The following RMI1 variants were observed in gnomAD, a reference collection of about 807,000 sequenced individuals.
RMI1 encodes the protein RecQ mediated genome instability 1.
In RMI1, 36 loss-of-function variants were observed where a neutral mutation model predicts 46.7. That is an observed-to-expected ratio of 0.77 (90% confidence interval 0.59 to 1.02). The LOEUF is 1.02. Among genes scored for constraint, RMI1 ranks in the 50% least tolerant of loss-of-function variants. The probability of loss-of-function intolerance (pLI) is 0.00; values close to 1 mark genes in which losing one functional copy is unlikely to be tolerated. For synonymous variants in RMI1, 250 were observed against 252.9 expected (o/e 0.99, Z 0.11); for missense variants, 676 against 713.7 (o/e 0.95, Z 0.60).
chr9:84,000,524 G>T (rs1957722153), intron 2 of RMI1, among the ~76,000 whole-genome samples: 1 of 152,112 alleles, frequency 6.6e-6, no homozygotes, highest in Admixed American at 6.6e-5. Flanking sequence ...TCCACTGGGG[G>T]TATTGGAGCA....
At chr9:83,987,344 C>T (rs187552248) in intron 1 of RMI1, among the ~76,000 whole-genome samples, 271 of 152,326 alleles carry the variant, frequency 1.8e-3, no homozygotes, top group African/African-American at 6.0e-3. Context: ...TGAGCCACCG[C>T]GTCCGGCCTG....
At chr9:83,996,582 G>A (rs1257567632) in intron 1 of RMI1, among the ~76,000 whole-genome samples, 1 of 152,138 alleles carries the variant, frequency 6.6e-6, no homozygotes, top group Non-Finnish European at 1.5e-5. Context: ...TATCCATCTA[G>A]AGGTACTTTA....
chr9:83,987,198 A>G (rs992546358), intron 1 of RMI1, among the ~76,000 whole-genome samples: 2 of 151,988 alleles, frequency 1.3e-5, no homozygotes, highest in Non-Finnish European at 2.9e-5. Context: ...GAGTAGCTGG[A>G]ATTACAAGCA....
At chr9:83,988,492 C>G (rs965639592) in intron 1 of RMI1, among the ~76,000 whole-genome samples, 1 of 152,056 alleles carries the variant, frequency 6.6e-6, no homozygotes, top group Non-Finnish European at 1.5e-5. Flanking sequence ...TTGGTAGAGA[C>G]AGAGTTTTGC....
At chr9:83,993,813 G>A (rs1588466356) in intron 1 of RMI1, among the ~76,000 whole-genome samples, 1 of 151,810 alleles carries the variant, frequency 6.6e-6, no homozygotes, top group East Asian at 1.9e-4. Context: ...TTTAAGATAG[G>A]GTCTTGCTTT....
At position 84,002,385 on chromosome 9, in the gene RMI1, C is replaced by A; in HGVS notation, c.1399C>A (p.Gln467Lys). Residue 467 changes from glutamine to lysine, a missense_variant, in exon 3 of 3, where the codon CAG becomes AAG. Coordinates refer to ENST00000445877, the MANE Select transcript of RMI1 (RefSeq NM_001358291.2). ...QISNENDCNL[Q>K]SCSLRSSENS... ...TTCTAATGAAAATGATTGTAATTTA[C>A]AGAGTTGTTCTTTAAGATCATCAGA... is the stretch of plus-strand genomic sequence containing the variant. The A allele has an allele frequency of 6.2e-7, 1 of 1,611,064 alleles. No individual in the cohort carries two copies. Among genetic ancestry groups the A allele is most frequent in the Non-Finnish European group, 8.5e-7 (1 of 1,178,020 alleles).
chr9:83,990,585 T>G (rs930317821), intron 1 of RMI1, among the ~76,000 whole-genome samples: 1 of 151,520 alleles, frequency 6.6e-6, no homozygotes, highest in African/African-American at 2.4e-5. Flanking sequence ...TAACAATAAT[T>G]TATTATTTCA....
chr9:83,991,950 G>T (rs1408268740), intron 1 of RMI1, among the ~76,000 whole-genome samples: 1 of 152,052 alleles, frequency 6.6e-6, no homozygotes, highest in African/African-American at 2.4e-5. Flanking sequence ...TTTCAAAATT[G>T]TCTTGGCAAT....
chr9:83,983,760 T>G (rs1475067304), intron 1 of RMI1, among the ~76,000 whole-genome samples: 1 of 152,132 alleles, frequency 6.6e-6, no homozygotes, highest in African/African-American at 2.4e-5. Flanking sequence ...ATTAGTGTGG[T>G]CAGCCAAGTT....
At chr9:83,996,400 CTT>C (rs1384626462) in intron 1 of RMI1, among the ~76,000 whole-genome samples, 2 of 152,170 alleles carry the variant, frequency 1.3e-5, no homozygotes, top group Non-Finnish European at 2.9e-5. Context: ...ATTTCTGGAG[CTT>C]TGTATCTTTA....
intron 1 of RMI1, among the ~76,000 whole-genome samples, chr9:83,996,667 ATTAGT>A (rs1190265561): frequency 1.3e-5 from 2 of 152,094 alleles, no homozygotes; most frequent in Non-Finnish European, 2.9e-5. Flanking sequence ...ATCCTATTAG[ATTAGT>A]TCGTTCTTGT....
chr9:83,996,122 CT>C (rs1957649448), intron 1 of RMI1, among the ~76,000 whole-genome samples: 1 of 152,108 alleles, frequency 6.6e-6, no homozygotes, highest in Admixed American at 6.6e-5. Flanking sequence ...GTGTTTTACC[CT>C]TTTTGTGTGG....
rs1195684837 is a variant in RMI1 at position 84,004,020 on chromosome 9, ATAATT to A, written c.*1160_*1164del. 2 of 160,634 alleles carry A rather than the reference ATAATT, an allele frequency of 1.2e-5. No individual in the cohort carries two copies. The highest frequency in any genetic ancestry group is 2.4e-5 in the African/African-American group (1 of 41,464). The allele number at this position is 160,634 out of a possible 1,614,324, so 10.0% of individuals were successfully genotyped here. ...GTTTTTATTAATCTTTTGTCTTAAA[ATAATT>A]TAAAGTGCTTTGAATTTTAAAACAT... On this transcript the variant is annotated 3_prime_UTR_variant, in exon 3 of 3. Transcript: ENST00000445877.
intron 1 of RMI1, among the ~76,000 whole-genome samples, chr9:83,982,820 T>G (rs1296347978): frequency 6.6e-6 from 1 of 152,240 alleles, no homozygotes; most frequent in Non-Finnish European, 1.5e-5. Flanking sequence ...TTTACGTCTT[T>G]TTAATTTTTA....
intron 1 of RMI1, among the ~76,000 whole-genome samples, chr9:83,984,087 C>T (rs1957456383): frequency 6.6e-6 from 1 of 151,780 alleles, no homozygotes; most frequent in African/African-American, 2.4e-5. Context: ...CTTATTGATG[C>T]ATAAAAGATG....
chr9:84,001,217 A>G lies in RMI1; in HGVS notation c.231A>G (p.Pro77=), dbSNP rs1957731108. The G allele has an allele frequency of 1.2e-6, 2 of 1,614,166 alleles. No homozygotes were observed. Among genetic ancestry groups the G allele is most frequent in the Non-Finnish European group, 1.7e-6 (2 of 1,180,000 alleles). The change falls in exon 3 of 3, where the codon CCA becomes CCG. Residue 77 remains proline, a synonymous_variant. Coordinates refer to ENST00000445877, the MANE Select transcript of RMI1 (RefSeq NM_001358291.2). The stretch of plus-strand genomic sequence containing the variant: ...TACCCGATGGCATTTTAGAAATTCC[A>G]AAAGGAGAATTAAATGGATTTTATG... ...PLLPDGILEI[P]KGELNGFYAL...
intron 1 of RMI1, among the ~76,000 whole-genome samples, chr9:83,981,392 A>C (rs936700458): frequency 6.6e-6 from 1 of 152,238 alleles, no homozygotes; most frequent in African/African-American, 2.4e-5. Context: ...GTTCCATTCA[A>C]AGCGCCTGCC....
Position 84,002,549 on chromosome 9 carries a change from C to T in RMI1, c.1563C>T (p.Leu521=). The T allele has an allele frequency of 1.2e-6, 2 of 1,613,942 alleles. No individual in the cohort carries two copies. The highest frequency in any genetic ancestry group is 1.7e-4 in the Middle Eastern group (1 of 6,058). Residue 521 remains leucine (L), a synonymous_variant, in exon 3 of 3, where the codon CTC becomes CTT. Coordinates refer to ENST00000445877, the MANE Select transcript of RMI1 (RefSeq NM_001358291.2). ...KAFIVTLTGN[L]SSSGGIWSIT... ...TTATTGTAACCTTAACTGGAAATCT[C>T]TCAAGTTCTGGTGGTATTTGGAGTA...
At chr9:83,992,948 G>T (rs1052092182) in intron 1 of RMI1, 2 of 151,896 alleles carry the variant, frequency 1.3e-5, no homozygotes, top group African/African-American at 4.8e-5. Flanking sequence ...TCTGATTGCA[G>T]TGATGTTTAC....
Sources: gnomAD v4.1 joint callset for allele counts (sites outside exome capture counted in the v4.1 genomes callset) on GRCh38, gnomAD v4.1.1 for gene constraint, MANE v1.5 for transcripts, NCBI Gene and HGNC (gene_info 2026-07-23, HGNC 2026-07-21) for gene names.